KANSL1: variants seen among roughly 807,000 people sequenced by gnomAD.
The protein encoded by KANSL1 is MLL1/MLL complex subunit KANSL1.
A neutral mutation model predicts 103.6 loss-of-function variants in KANSL1; 22 were observed. That is an observed-to-expected ratio of 0.21 (90% CI 0.15 to 0.30). The LOEUF (loss-of-function observed/expected upper bound fraction) is 0.30, where lower values mean the gene tolerates loss of function less well. Among genes scored for constraint, KANSL1 ranks in the 10% least tolerant of loss-of-function variants. KANSL1 has a pLI of 1.00. For missense variants in KANSL1, 1,337 were observed against 1,399.8 expected, an observed-to-expected ratio of 0.96 and a Z score of 0.72; for synonymous variants, 600 against 527.6, an observed-to-expected ratio of 1.14 and a Z score of -1.88.
chr17:46,039,606 C>CA (rs2077253173), intron 8 of KANSL1, 96 bp downstream of exon 8: 3 of 1,385,922 alleles, frequency 2.2e-6, no homozygotes, highest in Admixed American at 2.2e-5. Context: ...CTGCCTCTCC[C>CA]AACCCCAACA....
rs192134248 is a variant in KANSL1 at position 46,160,352 on chromosome 17, C to T, written c.1289+10503G>A. On this transcript the variant is annotated intron_variant, in intron 2 of 14. Coordinates refer to ENST00000432791, the MANE Select transcript of KANSL1 (RefSeq NM_015443.4). ...TCACTCTGCTGCTCACGCTGGAGTG[C>T]GGTGGTGCAATCTCGACTCACTGCA... 1.8e-3 allele frequency among the ~76,000 whole-genome samples: 280 copies of T among 152,288 alleles called. 2 individuals are homozygous for T. The highest frequency in any genetic ancestry group is 6.0e-3 in the South Asian group (29 of 4,828).
chr17:46,071,791 A>G (rs2078586124), intron 4 of KANSL1, among the ~76,000 whole-genome samples: 1 of 152,168 alleles, frequency 6.6e-6, no homozygotes, highest in Admixed American at 6.6e-5. Flanking sequence ...TTCCATTTGA[A>G]TTTTATTTGA....
chr17:46,076,495 C>CAAAA (rs36086421), intron 4 of KANSL1, among the ~76,000 whole-genome samples: 2 of 79,522 alleles, frequency 2.5e-5, no homozygotes, highest in Non-Finnish European at 2.4e-5. Context: ...GACTTCATCT[C>CAAAA]AAAAAAAAAA....
intron 2 of KANSL1, among the ~76,000 whole-genome samples, chr17:46,118,911 T>C (rs1463950262): frequency 6.6e-6 from 1 of 152,246 alleles, no homozygotes; most frequent in African/African-American, 2.4e-5. Flanking sequence ...ATGGGCCTTA[T>C]CCATTTCTCA....
In KANSL1 at chr17:46,062,355, C is replaced by CTTTTTT. The variant is rs34577730; in HGVS notation, c.1848+4176_1848+4181dup. On this transcript the variant is annotated intron_variant, in intron 6 of 14. Transcript: ENST00000432791. ...AGAAGTACAAGTGATATAACAACAG[C>CTTTTTT]TTTTTTTTTTTTTTTTTTTTTTTAG... 3.9e-4 allele frequency among the ~76,000 whole-genome samples: 37 copies of CTTTTTT among 95,462 alleles called. 1 individual carries two copies. The highest frequency in any genetic ancestry group is 4.7e-4 in the Non-Finnish European group (24 of 50,564). 62.6% of individuals were successfully genotyped at this position (95,462 alleles called of 152,430 possible).
chr17:46,056,298 C>A (rs1174987163), intron 6 of KANSL1, among the ~76,000 whole-genome samples: 4 of 151,682 alleles, frequency 2.6e-5, no homozygotes, highest in Non-Finnish European at 5.9e-5. Flanking sequence ...CGTGCCTGGC[C>A]CCAAATAAAG....
At chr17:46,066,429 A>G in intron 6 of KANSL1, 108 bp downstream of exon 6, 1 of 891,280 alleles carries the variant, frequency 1.1e-6, no homozygotes. Flanking sequence ...TCCCCAGAAG[A>G]CCTTGGTGGT....
At chr17:46,174,469 T>C (rs1007860421) in intron 1 of KANSL1, among the ~76,000 whole-genome samples, 1 of 152,338 alleles carries the variant, frequency 6.6e-6, no homozygotes. Context: ...AGGCCTAAGC[T>C]GCCACATTCG....
At chr17:46,069,327 T>C (rs182243667) in intron 4 of KANSL1, among the ~76,000 whole-genome samples, 235 of 152,332 alleles carry the variant, frequency 1.5e-3, no homozygotes, top group African/African-American at 5.6e-3. Context: ...CTACAAATGC[T>C]TTCAAGGTAA....
chr17:46,080,075 C>T (rs2078928025), intron 4 of KANSL1, among the ~76,000 whole-genome samples: 1 of 151,880 alleles, frequency 6.6e-6, no homozygotes, highest in African/African-American at 2.4e-5. Flanking sequence ...TGTTTTGAAA[C>T]TATATTTTGA....
rs556345613 is a variant in KANSL1, at chr17:46,200,216, C to T, written c.-90+23455G>A. 5.9e-5 allele frequency among the ~76,000 whole-genome samples: 9 copies of T among 152,256 alleles called. No homozygotes were observed. In the South Asian group the frequency reaches 1.0e-3, roughly 18 times the overall value. ...CTGATTTTGCAGATTAAGCAATCTA[C>T]GCAGGACCCAAACTTTTTATCAGAT... On this transcript the variant is annotated intron_variant, in intron 1 of 14. Transcript: ENST00000572904.
intron 3 of KANSL1, among the ~76,000 whole-genome samples, chr17:46,086,086 C>T (rs1482098806): frequency 6.6e-6 from 1 of 152,074 alleles, no homozygotes; most frequent in Non-Finnish European, 1.5e-5. Context: ...AAAATATTAA[C>T]TTTATAATAA....
chr17:46,160,046 A>C (rs942676047), intron 2 of KANSL1, among the ~76,000 whole-genome samples: 3 of 152,314 alleles, frequency 2.0e-5, no homozygotes, highest in Admixed American at 1.3e-4. Context: ...TCCAGGAGTT[A>C]TCTTCTATTC....
chr17:46,059,647 A>AAAAGAGAGAGAGAGAGAGAG (rs541946204), intron 6 of KANSL1, among the ~76,000 whole-genome samples: 1 of 54,870 alleles, frequency 1.8e-5, no homozygotes, highest in Non-Finnish European at 3.3e-5. Context: ...AAAAAAAAAA[A>AAAAGAGAGAGAGAGAGAGAG]AGAGAGAGAG....
intron 2 of KANSL1, among the ~76,000 whole-genome samples, chr17:46,154,404 C>T (rs1381735008): frequency 6.6e-6 from 1 of 152,188 alleles, no homozygotes; most frequent in Non-Finnish European, 1.5e-5. Flanking sequence ...CTCAGCTTCC[C>T]GAGTAGCTGG....
chr17:46,219,702 T>C (rs1288566107), intron 1 of KANSL1, among the ~76,000 whole-genome samples: 72 of 152,356 alleles, frequency 4.7e-4, no homozygotes, highest in African/African-American at 1.6e-3. Flanking sequence ...TGCAGTTCAA[T>C]ACTAGAAATA....
At chr17:46,075,549 C>CTGG (rs139019887) in intron 4 of KANSL1, among the ~76,000 whole-genome samples, 1 of 152,262 alleles carries the variant, frequency 6.6e-6, no homozygotes, top group Non-Finnish European at 1.5e-5. Context: ...GTTGGCCAGG[C>CTGG]TGGTCTCAAA....
chr17:46,073,395 T>G (rs1390785238), intron 4 of KANSL1, among the ~76,000 whole-genome samples: 1 of 152,174 alleles, frequency 6.6e-6, no homozygotes, highest in Non-Finnish European at 1.5e-5. Context: ...GCAATGTTTT[T>G]CGCTAAACAA....
chr17:46,124,467 T>C (rs1458586445), intron 2 of KANSL1, among the ~76,000 whole-genome samples: 9 of 152,246 alleles, frequency 5.9e-5, no homozygotes, highest in Non-Finnish European at 1.3e-4. Flanking sequence ...AATCCTGTTA[T>C]CATGCCTGTT....
Sources: gnomAD v4.1 joint callset for allele counts (sites outside exome capture counted in the v4.1 genomes callset) on GRCh38, gnomAD v4.1.1 for gene constraint, MANE v1.5 for transcripts, NCBI Gene and HGNC (gene_info 2026-07-23, HGNC 2026-07-21) for gene names.